Variants in MEOX2 observed in about 807,000 individuals in gnomAD.
MEOX2 encodes mesenchyme homeobox 2, also known as homeobox protein MOX-2.
A neutral mutation model predicts 27.0 loss-of-function variants in MEOX2; 11 were observed. The ratio of observed to expected loss-of-function variants is 0.41; its 90% confidence interval spans 0.26 to 0.68. The LOEUF (loss-of-function observed/expected upper bound fraction) is 0.68, where lower values mean the gene tolerates loss of function less well. Ranked by LOEUF, MEOX2 falls within the 30% of genes least tolerant of loss-of-function variation. The pLI, the probability that MEOX2 is intolerant of heterozygous loss-of-function variation, is 0.33. For missense variants in MEOX2, 436 were observed against 385.4 expected (o/e 1.13, Z -1.10); for synonymous variants, 189 against 155.4 (o/e 1.22, Z -1.61).
chr7:15,638,845 G>A (rs1378258198), intron 1 of MEOX2, among the ~76,000 whole-genome samples: 4 of 152,082 alleles, frequency 2.6e-5, no homozygotes, highest in African/African-American at 9.7e-5. Flanking sequence ...ATATTCCATG[G>A]TGCATATATA....
At chr7:15,620,391 A>T (rs1781203404) in intron 2 of MEOX2, among the ~76,000 whole-genome samples, 1 of 152,162 alleles carries the variant, frequency 6.6e-6, no homozygotes, top group Non-Finnish European at 1.5e-5. Context: ...AAAACTATGA[A>T]GCAGAGAGAT....
intron 2 of MEOX2, among the ~76,000 whole-genome samples, chr7:15,617,035 A>G (rs1276429481): frequency 6.6e-6 from 1 of 152,034 alleles, no homozygotes; most frequent in African/African-American, 2.4e-5. Context: ...ATGAATCTGT[A>G]TTGTCACACA....
intron 1 of MEOX2, among the ~76,000 whole-genome samples, chr7:15,645,614 T>C (rs1562604111): frequency 6.6e-6 from 1 of 152,090 alleles, no homozygotes; most frequent in African/African-American, 2.4e-5. Flanking sequence ...AAAGAATTGG[T>C]TGGTAAAAAA....
intron 2 of MEOX2, among the ~76,000 whole-genome samples, chr7:15,613,939 A>G (rs1173431988): frequency 6.6e-6 from 1 of 151,992 alleles, no homozygotes; most frequent in East Asian, 1.9e-4. Context: ...CTGCAGTTAT[A>G]TGGCTGCTGC....
chr7:15,618,097 G>T (rs540229101), intron 2 of MEOX2, among the ~76,000 whole-genome samples: 2 of 151,988 alleles, frequency 1.3e-5, no homozygotes, highest in African/African-American at 4.8e-5. Flanking sequence ...AAAGCAAAGT[G>T]GTTCTATGAT....
At chr7:15,640,570 G>C (rs1037465125) in intron 1 of MEOX2, among the ~76,000 whole-genome samples, 4 of 152,060 alleles carry the variant, frequency 2.6e-5, no homozygotes, top group Non-Finnish European at 5.9e-5. Context: ...ATGTTGAATA[G>C]CAATGGTGAG....
intron 2 of MEOX2, among the ~76,000 whole-genome samples, chr7:15,619,149 T>A (rs1050103628): frequency 1.3e-5 from 2 of 152,054 alleles, no homozygotes; most frequent in African/African-American, 4.8e-5. Context: ...AAGATGTAGA[T>A]AGTAGAAAAT....
Position 15,614,399 on chromosome 7 carries a change from G to T in MEOX2, c.691-1788C>A, listed in dbSNP as rs572589320. Among the ~76,000 whole-genome samples the T allele has an allele frequency of 9.1e-5, 13 of 143,598 alleles. No homozygotes were observed. The East Asian group carries it at 2.6e-3, about 28-fold the overall frequency. 94.2% of individuals were successfully genotyped at this position (143,598 alleles called of 152,430 possible). A position where few individuals can be genotyped will look rare whatever the true frequency, so the allele number is the denominator to read the frequency against. On this transcript the variant is annotated intron_variant, in intron 2 of 2. Transcript: ENST00000262041. ...ACTGCACTCCAGCCTGGGCAACAGAGCAAGATCCTGTCTCAAAAAGAAAAA... is the reference window on the plus strand; with the variant it reads ...ACTGCACTCCAGCCTGGGCAACAGATCAAGATCCTGTCTCAAAAAGAAAAA...
chr7:15,639,198 G>C (rs1030213456), intron 1 of MEOX2, among the ~76,000 whole-genome samples: 6 of 151,930 alleles, frequency 3.9e-5, no homozygotes, highest in African/African-American at 1.2e-4. Flanking sequence ...TATCTCATAG[G>C]GGTTTTTATT....
intron 1 of MEOX2, among the ~76,000 whole-genome samples, chr7:15,628,012 C>G (rs546730645): frequency 6.6e-6 from 1 of 152,192 alleles, no homozygotes; most frequent in Non-Finnish European, 1.5e-5. Flanking sequence ...ATACACTTAA[C>G]TCTTCTAGGA....
At chr7:15,650,685 G>A (rs1322596308) in intron 1 of MEOX2, among the ~76,000 whole-genome samples, 2 of 151,962 alleles carry the variant, frequency 1.3e-5, no homozygotes, top group Admixed American at 1.3e-4. Flanking sequence ...AAGAAATAGA[G>A]GGAAAAAAAT....
At chr7:15,665,605 ATGT>A (rs1562611373) in intron 1 of MEOX2, among the ~76,000 whole-genome samples, 2 of 152,218 alleles carry the variant, frequency 1.3e-5, no homozygotes, top group East Asian at 1.9e-4. Flanking sequence ...CAATTTTACC[ATGT>A]AGTAAATATC....
intron 1 of MEOX2, among the ~76,000 whole-genome samples, chr7:15,666,908 T>A (rs1165751203): frequency 6.7e-6 from 1 of 150,342 alleles, no homozygotes; most frequent in East Asian, 1.9e-4. Context: ...AATATCCTTA[T>A]TACTTGACAA....
At chr7:15,615,009 C>T (rs948953547) in intron 2 of MEOX2, among the ~76,000 whole-genome samples, 2 of 151,928 alleles carry the variant, frequency 1.3e-5, no homozygotes, top group African/African-American at 4.8e-5. Flanking sequence ...ATTGCCCAAA[C>T]ATGTATTAAT....
chr7:15,686,030 G>A lies in MEOX2; in HGVS notation c.373C>T (p.Pro125Ser), dbSNP rs1179519048. The A allele has an allele frequency of 6.2e-7, 1 of 1,606,444 alleles. No individual in the cohort carries two copies. The highest frequency in any genetic ancestry group is 8.5e-7 in the Non-Finnish European group (1 of 1,179,388). ...GGPPELGSSP[P>S]VLCSNSSSLG... ...CTGGAAGAGTTGGAGCACAGGACGGGCGGGCTGCTCCCCAACTCTGGGGGC... is the reference window on the plus strand; with the variant it reads ...CTGGAAGAGTTGGAGCACAGGACGGACGGGCTGCTCCCCAACTCTGGGGGC... Residue 125 changes from proline to serine, a missense_variant, in exon 1 of 3, where the codon CCC (proline) becomes TCC (serine). Physicochemically the swap from Pro to Ser is moderately conservative, Grantham distance 74 (BLOSUM62 -1). Transcript: ENST00000262041.
At chr7:15,616,817 T>A (rs1781130631) in intron 2 of MEOX2, among the ~76,000 whole-genome samples, 1 of 151,966 alleles carries the variant, frequency 6.6e-6, no homozygotes, top group Non-Finnish European at 1.5e-5. Context: ...TTACCAAATG[T>A]CCAGTAACCT....
At chr7:15,636,899 T>C (rs996120067) in intron 1 of MEOX2, among the ~76,000 whole-genome samples, 3 of 151,992 alleles carry the variant, frequency 2.0e-5, no homozygotes, top group African/African-American at 7.2e-5. Flanking sequence ...GCCCTTTTCA[T>C]AGTGGCATTA....
chr7:15,634,027 A>C (rs1781446476), intron 1 of MEOX2, among the ~76,000 whole-genome samples: 1 of 151,916 alleles, frequency 6.6e-6, no homozygotes, highest in Non-Finnish European at 1.5e-5. Context: ...ATCTCGTGTA[A>C]CTAATGGCAG....
chr7:15,686,331 T>C lies in MEOX2; in HGVS notation c.72A>G (p.Gln24=), dbSNP rs1196674982. The C allele has an allele frequency of 4.4e-6, 7 of 1,603,690 alleles. No homozygotes were observed. Among genetic ancestry groups the C allele is most frequent in the Admixed American group, 1.7e-5 (1 of 58,550 alleles). ...ATAQGLHPFS[Q]SSLALHGRSD... ...ATCTTCCATGGAGGGCGAGAGAGGA[T>C]TGGGAGAACGGGTGCAAGCCTTGCG... Residue 24 remains glutamine, a synonymous_variant, in exon 1 of 3, where the codon CAA becomes CAG. Transcript: ENST00000262041.
Sources: gnomAD v4.1 joint callset for allele counts (sites outside exome capture counted in the v4.1 genomes callset) on GRCh38, gnomAD v4.1.1 for gene constraint, MANE v1.5 for transcripts, NCBI Gene and HGNC (gene_info 2026-07-23, HGNC 2026-07-21) for gene names.